CPNE2: variants seen among roughly 807,000 people sequenced by gnomAD.
CPNE2 encodes the protein copine 2.
A neutral mutation model predicts 69.7 loss-of-function variants in CPNE2; 42 were observed. That is an observed-to-expected ratio of 0.60 (90% CI 0.47 to 0.78). The LOEUF (loss-of-function observed/expected upper bound fraction) is 0.78. CPNE2 is among the 30% of genes least tolerant of loss of function. The pLI is 0.00. For synonymous variants in CPNE2, 294 were observed against 289.8 expected, an observed-to-expected ratio of 1.01 and a Z score of -0.15; for missense variants, 587 against 732.0, an observed-to-expected ratio of 0.80 and a Z score of 2.29.
At chr16:57,143,924 G>C (rs1412162195) in intron 14 of CPNE2, 1 of 152,320 alleles carries the variant, frequency 6.6e-6, no homozygotes, top group Non-Finnish European at 1.5e-5. Flanking sequence ...CCACTGAAAG[G>C]TGTGGCCCAT....
intron 1 of CPNE2, among the ~76,000 whole-genome samples, chr16:57,105,324 C>A (rs1317980309): frequency 6.6e-6 from 1 of 152,152 alleles, no homozygotes; most frequent in Non-Finnish European, 1.5e-5. Context: ...CCGTGATGTT[C>A]TAGGCCTGTG....
chr16:57,139,474 T>C (rs2069906037), intron 14 of CPNE2, among the ~76,000 whole-genome samples: 1 of 152,220 alleles, frequency 6.6e-6, no homozygotes, highest in Non-Finnish European at 1.5e-5. Flanking sequence ...GCTGATTTGT[T>C]AGTCCTGCAA....
In CPNE2 at chr16:57,130,935, G is replaced by A. The variant is rs1372254937; in HGVS notation, c.1116+3032G>A. ...CTGAGGTGTGGTTGTGGGTAGTCCT[G>A]GGGCAGGAGGCGGGGGCTCCTCATA... On this transcript the variant is annotated intron_variant, in intron 12 of 15. Transcript: ENST00000290776. This position sits in a 1 kb window ranked among gnomAD's most constrained non-coding sequence, Gnocchi z 4.1. 3.9e-5 allele frequency among the ~76,000 whole-genome samples: 6 copies of A among 152,124 alleles called. No homozygotes were observed.
chr16:57,098,749 G>A (rs993467678), intron 1 of CPNE2, among the ~76,000 whole-genome samples: 3 of 151,950 alleles, frequency 2.0e-5, no homozygotes, highest in Middle Eastern at 3.2e-3. Context: ...AACTTGTGTC[G>A]AGCTTCCATT....
chr16:57,106,883 C>G (rs1208703116), intron 1 of CPNE2, among the ~76,000 whole-genome samples: 1 of 152,214 alleles, frequency 6.6e-6, no homozygotes, highest in Non-Finnish European at 1.5e-5. Context: ...TCAGGCTCCC[C>G]TGGCCTGGCT....
chr16:57,148,026 T>TA lies in CPNE2; in HGVS notation c.*369dup, dbSNP rs546698181. ...ATGAAAGAAACATGTCCTTGGTGCA[T>TA]ACGTGTCGTAGCCTGCACCTAATTA... On this transcript the variant is annotated 3_prime_UTR_variant, in exon 16 of 16. Transcript: ENST00000290776. The TA allele has an allele frequency of 4.0e-4, 70 of 176,328 alleles. No individual in the cohort carries two copies. In the East Asian group the frequency reaches 0.01, roughly 25 times the overall value. 10.9% of individuals were successfully genotyped at this position (176,328 alleles called of 1,614,324 possible).
chr16:57,137,344 C>T (rs1358479272), intron 14 of CPNE2, 62 bp downstream of exon 14: 1 of 1,588,118 alleles, frequency 6.3e-7, no homozygotes, highest in Non-Finnish European at 8.6e-7. Context: ...GGCTGGGGGG[C>T]AGGATATTCT....
intron 1 of CPNE2, among the ~76,000 whole-genome samples, chr16:57,095,647 T>A (rs1440999118): frequency 1.3e-5 from 2 of 152,144 alleles, no homozygotes; most frequent in African/African-American, 4.8e-5. Context: ...GTATTTCTAG[T>A]AGAGACGGGG....
chr16:57,133,054 C>T (rs1426700353), intron 12 of CPNE2, among the ~76,000 whole-genome samples: 1 of 152,178 alleles, frequency 6.6e-6, no homozygotes, highest in Non-Finnish European at 1.5e-5. Context: ...TTCAGGAAGA[C>T]TTTGGCCCAA....
Position 57,121,766 on chromosome 16 carries a change from C to T in CPNE2, c.867+6C>T, listed in dbSNP as rs749978854. 2 of 1,613,800 alleles carry T rather than the reference C, an allele frequency of 1.2e-6. No homozygotes were observed. The highest frequency in any genetic ancestry group is 1.7e-6 in the Non-Finnish European group (2 of 1,179,826). ...TCATCCTGCGATCCTGCAAGGTGAA[C>T]CAGCGTGGGCAAGCACGAGCCAGGG... On this transcript the variant is annotated splice_donor_region_variant and intron_variant, in intron 9 of 15. Coordinates refer to ENST00000290776, the MANE Select transcript of CPNE2 (RefSeq NM_152727.6).
intron 10 of CPNE2, chr16:57,124,230 T>C (rs1346361895): frequency 2.8e-6 from 1 of 354,526 alleles, no homozygotes; most frequent in Non-Finnish European, 5.7e-6. Context: ...TACAGGTGCA[T>C]GCCATCATGC....
chr16:57,139,215 CGAAGTGAGTTTTTCTTGCTGTCT>C (rs1249067923), intron 14 of CPNE2, among the ~76,000 whole-genome samples: 1 of 151,846 alleles, frequency 6.6e-6, no homozygotes, highest in Non-Finnish European at 1.5e-5. Flanking sequence ...CATAGGGGGT[CGAAGTGAGTTTTTCTTGCTGTCT>C]GAAGTGAGTT....
At chr16:57,094,621 C>T (rs1567663261) in intron 1 of CPNE2, among the ~76,000 whole-genome samples, 1 of 152,162 alleles carries the variant, frequency 6.6e-6, no homozygotes, top group Non-Finnish European at 1.5e-5. Flanking sequence ...TGCAAGGACT[C>T]GGGTGCCAGC....
intron 1 of CPNE2, among the ~76,000 whole-genome samples, chr16:57,106,732 G>A (rs1483086239): frequency 6.6e-6 from 1 of 152,146 alleles, no homozygotes; most frequent in Non-Finnish European, 1.5e-5. Context: ...CGCCAGCAAT[G>A]GTGGGAGATG....
chr16:57,106,503 T>G (rs2069649679), intron 1 of CPNE2, among the ~76,000 whole-genome samples: 1 of 152,162 alleles, frequency 6.6e-6, no homozygotes, highest in Non-Finnish European at 1.5e-5. Context: ...TGTCATTGTA[T>G]TTGTCAGTCT....
chr16:57,141,142 GCTGGGGCAGGACTGGGCAGGAAC>G (rs2069919729), intron 14 of CPNE2: 1 of 152,406 alleles, frequency 6.6e-6, no homozygotes, highest in East Asian at 1.9e-4. Flanking sequence ...CACCTGCAGA[GCTGGGGCAGGACTGGGCAGGAAC>G]CAGGGTCCTG....
rs78329657 is a variant in CPNE2 at position 57,111,992 on chromosome 16, G to A, written c.180+1070G>A. On this transcript the variant is annotated intron_variant, in intron 2 of 15. Transcript: ENST00000290776. ...CTGTCATAGAGAACCACTGTTAACC[G>A]TTTGGTATCCAGCCTTCCAGATGGC... is the stretch of plus-strand genomic sequence containing the variant. Among the ~76,000 whole-genome samples, 417 of 152,342 alleles carry A rather than the reference G, an allele frequency of 2.7e-3. 1 individual carries two copies. The highest frequency in any genetic ancestry group is 9.5e-3 in the African/African-American group (396 of 41,580).
chr16:57,102,568 G>A (rs939877153), intron 1 of CPNE2, among the ~76,000 whole-genome samples: 8 of 151,908 alleles, frequency 5.3e-5, no homozygotes, highest in African/African-American at 1.9e-4. Context: ...GCCTAGAGCC[G>A]TGTTTCTCAA....
Position 57,116,430 on chromosome 16 carries a change from G to A in CPNE2, c.435+880G>A, listed in dbSNP as rs1287002232. ...CAGGCCAGGTGCATGGCTTGCACCT[G>A]TAGCACTACTCCTTGGAAGGCTAAG... is the stretch of plus-strand genomic sequence containing the variant. On this transcript the variant is annotated intron_variant, in intron 4 of 15. Transcript: ENST00000290776. 2.0e-5 allele frequency among the ~76,000 whole-genome samples: 3 copies of A among 152,144 alleles called. No homozygotes were observed. In the East Asian group the frequency reaches 5.8e-4, roughly 29 times the overall value.
Sources: gnomAD v4.1 joint callset for allele counts (sites outside exome capture counted in the v4.1 genomes callset) on GRCh38, gnomAD v4.1.1 for gene constraint, Gnocchi (gnomAD v3.1) non-coding constraint, MANE v1.5 for transcripts, NCBI Gene and HGNC (gene_info 2026-07-23, HGNC 2026-07-21) for gene names.